The following FDFT1 variants were observed in gnomAD, a reference collection of about 807,000 sequenced individuals.
FDFT1 encodes the protein farnesyl-diphosphate farnesyltransferase 1.
A neutral mutation model predicts 46.8 loss-of-function variants in FDFT1; 68 were observed. The ratio of observed to expected loss-of-function variants is 1.45; its 90% confidence interval spans 1.19 to 1.78. The LOEUF is 1.78. Among genes scored for constraint, FDFT1 ranks in the 40% most tolerant of loss-of-function variants. The pLI, the probability that FDFT1 is intolerant of heterozygous loss-of-function variation, is 0.00. For synonymous variants in FDFT1, 351 were observed against 185.1 expected, an observed-to-expected ratio of 1.90 and a Z score of -7.28; for missense variants, 928 against 524.4, an observed-to-expected ratio of 1.77 and a Z score of -7.52.
chr8:11,815,070 C>A (rs1251102766), intron 3 of FDFT1, among the ~76,000 whole-genome samples: 1 of 152,082 alleles, frequency 6.6e-6, no homozygotes, highest in African/African-American at 2.4e-5. Flanking sequence ...TCCTTGTGTC[C>A]ATGTGTTCTC....
In FDFT1 at chr8:11,838,691, T is replaced by C. The variant is rs1287840592; in HGVS notation, c.*82T>C. On this transcript the variant is annotated 3_prime_UTR_variant, in exon 8 of 8. Transcript: ENST00000220584. ...AAGGATGGATGTTGTGTTCTCTTTA[T>C]TTTTTTCCTACTACTTTAATCCCTA... 2.7e-6 allele frequency: 3 copies of C among 1,108,128 alleles called. No individual in the cohort carries two copies. Among genetic ancestry groups the C allele is most frequent in the South Asian group, 2.6e-5 (2 of 78,108 alleles). 68.6% of individuals were successfully genotyped at this position (1,108,128 alleles called of 1,614,324 possible).
At chr8:11,829,278 T>C (rs1231408798) in intron 5 of FDFT1, among the ~76,000 whole-genome samples, 1 of 152,286 alleles carries the variant, frequency 6.6e-6, no homozygotes, top group African/African-American at 2.4e-5. Context: ...ACATTAATGA[T>C]GTTATATAAC....
chr8:11,830,214 A>T, intron 5 of FDFT1, 30 bp from the exon 6 acceptor site: 8 of 1,572,528 alleles, frequency 5.1e-6, no homozygotes, highest in Non-Finnish European at 7.0e-6. Context: ...GCACACGCTG[A>T]CCTGTTCCTT....
intron 7 of FDFT1, among the ~76,000 whole-genome samples, chr8:11,836,551 G>A (rs2130911103): frequency 6.6e-6 from 1 of 152,336 alleles, no homozygotes; most frequent in East Asian, 1.9e-4. Context: ...ACACATCCTT[G>A]ATAGGCCTTC....
chr8:11,808,542 A>G, intron 1 of FDFT1: 1 of 1,340,460 alleles, frequency 7.5e-7, no homozygotes, highest in South Asian at 2.0e-5. Flanking sequence ...CTGCGGCACC[A>G]AGGCCATGGC....
chr8:11,803,460 G>A (rs764207367), intron 1 of FDFT1: 29 of 1,276,822 alleles, frequency 2.3e-5, no homozygotes, highest in Non-Finnish European at 2.7e-5. Flanking sequence ...GCCTATCTAC[G>A]CTTCCAAGTT....
chr8:11,827,395 G>C (rs1440570059), intron 5 of FDFT1, among the ~76,000 whole-genome samples: 1 of 152,112 alleles, frequency 6.6e-6, no homozygotes, highest in Non-Finnish European at 1.5e-5. Context: ...GCATGCACCT[G>C]TATTCCTAGG....
chr8:11,822,124 G>A (rs1032587966), intron 4 of FDFT1, among the ~76,000 whole-genome samples: 1 of 152,182 alleles, frequency 6.6e-6, no homozygotes, highest in Non-Finnish European at 1.5e-5. Flanking sequence ...CTAGACAAAG[G>A]GATGTAATTG....
chr8:11,831,020 T>G (rs950616200), intron 6 of FDFT1, among the ~76,000 whole-genome samples: 1 of 152,244 alleles, frequency 6.6e-6, no homozygotes, highest in African/African-American at 2.4e-5. Context: ...CGCCGTCTTA[T>G]GTTTCCATTT....
chr8:11,833,549 C>A (rs2130891258), intron 7 of FDFT1, among the ~76,000 whole-genome samples: 1 of 152,278 alleles, frequency 6.6e-6, no homozygotes, highest in South Asian at 2.1e-4. Flanking sequence ...TATTAAAATT[C>A]AGATTTATTT....
chr8:11,822,385 C>T (rs1227211590), intron 4 of FDFT1, among the ~76,000 whole-genome samples: 2 of 152,228 alleles, frequency 1.3e-5, no homozygotes, highest in Admixed American at 6.5e-5. Flanking sequence ...ATGGTCACTA[C>T]GTTAGTGTAG....
chr8:11,823,899 A>G (rs549579044), intron 4 of FDFT1, among the ~76,000 whole-genome samples: 49 of 152,108 alleles, frequency 3.2e-4, no homozygotes, highest in African/African-American at 1.1e-3. Flanking sequence ...CCACACCACT[A>G]CACCAGGCTA....
chr8:11,814,213 G>T (rs910835656), intron 3 of FDFT1, among the ~76,000 whole-genome samples: 4 of 151,968 alleles, frequency 2.6e-5, no homozygotes, highest in Non-Finnish European at 5.9e-5. Flanking sequence ...CCACAAGAAG[G>T]AATTACCTTT....
Position 11,838,729 on chromosome 8 carries a change from G to T in FDFT1, c.*120G>T, listed in dbSNP as rs777954916. 7.4e-6 allele frequency: 6 copies of T among 813,904 alleles called. No individual in the cohort carries two copies. The highest frequency in any genetic ancestry group is 1.2e-5 in the Non-Finnish European group (6 of 489,408). 50.4% of individuals were successfully genotyped at this position (813,904 alleles called of 1,614,324 possible). A position where few individuals can be genotyped will look rare whatever the true frequency, so the allele number is the denominator to read the frequency against. On this transcript the variant is annotated 3_prime_UTR_variant, in exon 8 of 8. Transcript: ENST00000220584. ...ACTTTAATCCCTAAAAGAACGCTGT[G>T]TGGCTGGGACCTTTAGGAAAGTGAA...
intron 7 of FDFT1, 36 bp from the exon 8 acceptor site, chr8:11,838,352 C>T: frequency 3.3e-6 from 5 of 1,514,340 alleles, no homozygotes; most frequent in African/African-American, 2.7e-5. Context: ...ATGTAAAGCA[C>T]ATAGCACTTA....
At chr8:11,807,314 C>G (rs1175844319) in intron 1 of FDFT1, among the ~76,000 whole-genome samples, 1 of 150,678 alleles carries the variant, frequency 6.6e-6, no homozygotes, top group Non-Finnish European at 1.5e-5. Flanking sequence ...CCACACCTGG[C>G]TTTTTAAAAA....
chr8:11,805,255 C>G (rs1426453137), intron 1 of FDFT1, among the ~76,000 whole-genome samples: 1 of 152,144 alleles, frequency 6.6e-6, no homozygotes, highest in Admixed American at 6.6e-5. Context: ...TTACGCTTAG[C>G]AGATACTGAG....
chr8:11,821,702 G>A, intron 3 of FDFT1, 48 bp from the exon 4 acceptor site: 1 of 1,603,222 alleles, frequency 6.2e-7, no homozygotes, highest in Non-Finnish European at 8.5e-7. Context: ...TTGGTGCCAT[G>A]TCTGTACATA....
At chr8:11,801,683 G>C (rs925349640), upstream of FDFT1, 7 of 299,540 alleles carry the variant, frequency 2.3e-5, no homozygotes, top group Non-Finnish European at 3.8e-5. Flanking sequence ...GGATGGCTTA[G>C]GTAGCCAGTA....
Sources: gnomAD v4.1 joint callset for allele counts (sites outside exome capture counted in the v4.1 genomes callset) on GRCh38, gnomAD v4.1.1 for gene constraint, MANE v1.5 for transcripts, NCBI Gene and HGNC (gene_info 2026-07-23, HGNC 2026-07-21) for gene names.